LRRC4C: variants seen among roughly 807,000 people sequenced by gnomAD.
The protein encoded by LRRC4C is leucine rich repeat containing 4C.
A neutral mutation model predicts 33.6 loss-of-function variants in LRRC4C; 5 were observed. The observed-to-expected ratio is 0.15, with a 90% CI of 0.08 to 0.31. The LOEUF (loss-of-function observed/expected upper bound fraction) is 0.31. Ranked by LOEUF, LRRC4C falls within the 10% of genes least tolerant of loss-of-function variation. The pLI, the probability that LRRC4C is intolerant of heterozygous loss-of-function variation, is 1.00. For synonymous variants in LRRC4C, 329 were observed against 302.0 expected (o/e 1.09, Z -0.93); for missense variants, 560 against 796.7 (o/e 0.70, Z 3.58).
intron 3 of LRRC4C, among the ~76,000 whole-genome samples, chr11:40,631,564 A>G (rs148007435): frequency 2.6e-5 from 4 of 152,292 alleles, no homozygotes; most frequent in East Asian, 1.9e-4. Flanking sequence ...AGTTATTTAT[A>G]TGTGGGAGGC....
chr11:40,859,798 C>G (rs867043222), intron 2 of LRRC4C, among the ~76,000 whole-genome samples: 2 of 152,078 alleles, frequency 1.3e-5, no homozygotes, highest in East Asian at 3.9e-4. Context: ...TGAATGAGGC[C>G]GGACGCGGTG....
chr11:40,159,591 A>G (rs1858991785), intron 5 of LRRC4C, among the ~76,000 whole-genome samples: 1 of 152,196 alleles, frequency 6.6e-6, no homozygotes, highest in Non-Finnish European at 1.5e-5. Flanking sequence ...CATAGTATTC[A>G]TAGTTCTCCA....
chr11:41,450,484 G>A (rs1955982195), intron 1 of LRRC4C, among the ~76,000 whole-genome samples: 1 of 152,126 alleles, frequency 6.6e-6, no homozygotes, highest in Non-Finnish European at 1.5e-5. Context: ...CAAACTGAGA[G>A]GAATAAAGGC....
chr11:40,820,389 T>C (rs1474595898), intron 2 of LRRC4C, among the ~76,000 whole-genome samples: 1 of 151,936 alleles, frequency 6.6e-6, no homozygotes, highest in African/African-American at 2.4e-5. Context: ...AAAAATGTAG[T>C]AGAGATGTTT....
At chr11:40,596,749 A>G (rs1440791804) in intron 3 of LRRC4C, among the ~76,000 whole-genome samples, 3 of 152,142 alleles carry the variant, frequency 2.0e-5, no homozygotes, top group Non-Finnish European at 4.4e-5. Flanking sequence ...ACTTGACATA[A>G]TGTCCTCCAG....
intron 2 of LRRC4C, among the ~76,000 whole-genome samples, chr11:40,788,671 A>G (rs1950508494): frequency 6.6e-6 from 1 of 152,262 alleles, no homozygotes; most frequent in African/African-American, 2.4e-5. Flanking sequence ...AGCTGCTCTA[A>G]CATTTTTAAC....
intron 1 of LRRC4C, among the ~76,000 whole-genome samples, chr11:40,968,659 TTG>T (rs1038502057): frequency 3.3e-5 from 5 of 152,178 alleles, no homozygotes; most frequent in Admixed American, 3.3e-4. Flanking sequence ...ACTACTCTGC[TTG>T]TGTTTTATAA....
Position 40,523,643 on chromosome 11 carries a change from A to G in LRRC4C, c.-270+124499T>C, listed in dbSNP as rs11035889. ...TATTCTATTATATAGAAAGAATATTATTTGCTAATACTTGGGTTTCCATAA... is the reference window on the plus strand; with the variant it reads ...TATTCTATTATATAGAAAGAATATTGTTTGCTAATACTTGGGTTTCCATAA... On this transcript the variant is annotated intron_variant, in intron 3 of 6. Transcript: ENST00000528697. Among the ~76,000 whole-genome samples the G allele has an allele frequency of 6.7e-3, 1,007 of 150,886 alleles. 16 individuals carry two copies. Among genetic ancestry groups the G allele is most frequent in the African/African-American group, 0.023 (965 of 41,342 alleles).
At chr11:40,363,507 C>T (rs1225484318) in intron 3 of LRRC4C, among the ~76,000 whole-genome samples, 1 of 151,998 alleles carries the variant, frequency 6.6e-6, no homozygotes, top group Non-Finnish European at 1.5e-5. Flanking sequence ...AAGCAAATCC[C>T]AATGACTCAC....
chr11:40,230,775 G>A (rs1865142579), intron 5 of LRRC4C, among the ~76,000 whole-genome samples: 1 of 152,110 alleles, frequency 6.6e-6, no homozygotes, highest in African/African-American at 2.4e-5. Context: ...AAGACAAAAG[G>A]ATGAATCAAA....
intron 5 of LRRC4C, among the ~76,000 whole-genome samples, chr11:40,184,854 C>A (rs946710661): frequency 6.6e-6 from 1 of 152,180 alleles, no homozygotes; most frequent in African/African-American, 2.4e-5. Context: ...CAATTATCCC[C>A]ATTTTCCACC....
chr11:40,797,957 G>C (rs992196924), intron 2 of LRRC4C, among the ~76,000 whole-genome samples: 25 of 152,148 alleles, frequency 1.6e-4, no homozygotes, highest in African/African-American at 6.0e-4. Context: ...AGTAAACTCA[G>C]ATTTGGAAAT....
At chr11:40,976,404 G>A (rs945700178) in intron 1 of LRRC4C, among the ~76,000 whole-genome samples, 1 of 152,148 alleles carries the variant, frequency 6.6e-6, no homozygotes, top group Non-Finnish European at 1.5e-5. Context: ...CATGGCTTGA[G>A]GGCATTTTCA....
intron 3 of LRRC4C, among the ~76,000 whole-genome samples, chr11:40,410,257 A>G (rs1950109574): frequency 1.3e-5 from 2 of 152,150 alleles, no homozygotes; most frequent in South Asian, 4.1e-4. Context: ...GAAACAGGAA[A>G]ACCATTATAA....
chr11:40,855,265 T>C (rs1315082628), intron 2 of LRRC4C, among the ~76,000 whole-genome samples: 3 of 152,188 alleles, frequency 2.0e-5, no homozygotes, highest in Non-Finnish European at 4.4e-5. Flanking sequence ...GTGAATTTAG[T>C]AAATGCATTT....
At chr11:41,183,253 A>G (rs1003856503) in intron 1 of LRRC4C, among the ~76,000 whole-genome samples, 9 of 152,098 alleles carry the variant, frequency 5.9e-5, no homozygotes, top group African/African-American at 2.2e-4. Context: ...GTCTTAACAC[A>G]TTTCAGTATT....
intron 1 of LRRC4C, among the ~76,000 whole-genome samples, chr11:41,368,588 C>T (rs1034915963): frequency 6.6e-6 from 1 of 152,180 alleles, no homozygotes; most frequent in African/African-American, 2.4e-5. Context: ...GTTCTGAATG[C>T]ATTTGTTAAA....
At chr11:41,186,133 G>A (rs977297293) in intron 1 of LRRC4C, among the ~76,000 whole-genome samples, 1 of 152,118 alleles carries the variant, frequency 6.6e-6, no homozygotes, top group Non-Finnish European at 1.5e-5. Flanking sequence ...AATGCTTAAA[G>A]TCTTAGTGTT....
chr11:41,445,292 T>C (rs1955785889), intron 1 of LRRC4C, among the ~76,000 whole-genome samples: 1 of 152,036 alleles, frequency 6.6e-6, no homozygotes, highest in South Asian at 2.1e-4. Flanking sequence ...CATGAGAAAA[T>C]CCCTTCTCCC....
Sources: gnomAD v4.1 joint callset for allele counts (sites outside exome capture counted in the v4.1 genomes callset) on GRCh38, gnomAD v4.1.1 for gene constraint, MANE v1.5 for transcripts, NCBI Gene and HGNC (gene_info 2026-07-23, HGNC 2026-07-21) for gene names.